Variants in DCC observed in about 807,000 individuals in gnomAD.
DCC encodes netrin receptor DCC.
DCC carries 58 observed loss-of-function variants against 172.5 expected under a neutral mutation model. That is an observed-to-expected ratio of 0.34 (90% confidence interval 0.27 to 0.42). The LOEUF (loss-of-function observed/expected upper bound fraction) is 0.42. Ranked by LOEUF, DCC falls within the 10% of genes least tolerant of loss-of-function variation. The pLI is 1.00. For missense variants in DCC, 1,740 were observed against 1,791.0 expected, an observed-to-expected ratio of 0.97 and a Z score of 0.51; for synonymous variants, 709 against 644.5, an observed-to-expected ratio of 1.10 and a Z score of -1.52.
chr18:53,101,446 T>A (rs2043170944), intron 7 of DCC, among the ~76,000 whole-genome samples: 1 of 152,006 alleles, frequency 6.6e-6, no homozygotes, highest in Non-Finnish European at 1.5e-5. Context: ...TTGGGACCCT[T>A]TAACAGCGGT....
intron 2 of DCC, among the ~76,000 whole-genome samples, chr18:52,851,109 T>C (rs1410200043): frequency 6.6e-6 from 1 of 152,126 alleles, no homozygotes; most frequent in African/African-American, 2.4e-5. Flanking sequence ...TTACGATGTA[T>C]ACTTGTCTTT....
intron 5 of DCC, among the ~76,000 whole-genome samples, chr18:53,048,404 G>C (rs964372420): frequency 2.6e-5 from 4 of 151,420 alleles, no homozygotes; most frequent in African/African-American, 9.7e-5. Context: ...GCGTTAGTTT[G>C]CTAAGGATGA....
At chr18:52,685,954 A>C (rs1018313289) in intron 1 of DCC, among the ~76,000 whole-genome samples, 2 of 152,116 alleles carry the variant, frequency 1.3e-5, no homozygotes, top group African/African-American at 4.8e-5. Context: ...CCTTCTCCTC[A>C]AGGGCTAACT....
Position 53,262,956 on chromosome 18 carries a change from A to G in DCC, c.1912-42622A>G, listed in dbSNP as rs2056623458. 3.3e-5 allele frequency among the ~76,000 whole-genome samples: 5 copies of G among 152,340 alleles called. No individual in the cohort carries two copies. The South Asian group carries it at 8.3e-4, about 25-fold the overall frequency. On this transcript the variant is annotated intron_variant, in intron 12 of 28. Coordinates refer to ENST00000442544, the MANE Select transcript of DCC (RefSeq NM_005215.4). ...TTTTGTAAACAACTTTAAGAATACAATAAGCATATCTGTAGATTTATTGGT... is the reference window on the plus strand; with the variant it reads ...TTTTGTAAACAACTTTAAGAATACAGTAAGCATATCTGTAGATTTATTGGT...
chr18:53,032,485 A>G (rs1228834271), intron 5 of DCC, among the ~76,000 whole-genome samples: 1 of 152,182 alleles, frequency 6.6e-6, no homozygotes, highest in African/African-American at 2.4e-5. Flanking sequence ...ATGAATTTTG[A>G]ATAAAAGTCT....
chr18:53,419,976 C>T (rs1166460301), intron 21 of DCC, among the ~76,000 whole-genome samples: 1 of 152,144 alleles, frequency 6.6e-6, no homozygotes, highest in African/African-American at 2.4e-5. Flanking sequence ...GCCTCAGCCT[C>T]CTGAGTAACT....
chr18:53,360,560 A>C (rs992025962), intron 15 of DCC, among the ~76,000 whole-genome samples: 20 of 152,198 alleles, frequency 1.3e-4, no homozygotes, highest in African/African-American at 4.8e-4. Context: ...GTGGCCATAC[A>C]GTTCATAAAT....
intron 27 of DCC, among the ~76,000 whole-genome samples, chr18:53,514,512 T>C (rs2046307370): frequency 6.6e-6 from 1 of 152,044 alleles, no homozygotes; most frequent in African/African-American, 2.4e-5. Context: ...ATACAGGAGC[T>C]GGTTTTTTGA....
intron 7 of DCC, among the ~76,000 whole-genome samples, chr18:53,135,834 T>G (rs1307250570): frequency 6.6e-6 from 1 of 152,178 alleles, no homozygotes; most frequent in Non-Finnish European, 1.5e-5. Context: ...ACTATTTTTC[T>G]ACTTGACTAA....
intron 1 of DCC, among the ~76,000 whole-genome samples, chr18:52,701,964 G>C (rs1432590798): frequency 6.6e-6 from 1 of 152,114 alleles, no homozygotes; most frequent in Admixed American, 6.6e-5. Context: ...AAACAACCTT[G>C]ATGTTACCAT....
chr18:52,956,841 A>AT (rs1408646221), intron 5 of DCC, among the ~76,000 whole-genome samples: 1 of 152,124 alleles, frequency 6.6e-6, no homozygotes, highest in Non-Finnish European at 1.5e-5. Flanking sequence ...AAGAGGAAAT[A>AT]TTTTTCTCTA....
At chr18:53,480,462 C>T (rs1000128243) in intron 25 of DCC, among the ~76,000 whole-genome samples, 5 of 152,158 alleles carry the variant, frequency 3.3e-5, no homozygotes, top group South Asian at 2.1e-4. Flanking sequence ...TCATACTTCC[C>T]TCAGGTTCAA....
chr18:53,210,538 T>C (rs989620793), intron 11 of DCC, among the ~76,000 whole-genome samples: 1 of 152,202 alleles, frequency 6.6e-6, no homozygotes, highest in African/African-American at 2.4e-5. Context: ...AGTAAATATT[T>C]ATCGAATTAA....
intron 8 of DCC, 31 bp downstream of exon 8, chr18:53,157,543 A>G: frequency 1.2e-6 from 2 of 1,612,004 alleles, no homozygotes; most frequent in Non-Finnish European, 1.7e-6. Flanking sequence ...AATTCAGCTT[A>G]ATCGGTCATC....
intron 2 of DCC, among the ~76,000 whole-genome samples, chr18:52,756,458 T>C (rs1222338997): frequency 6.6e-6 from 1 of 152,204 alleles, no homozygotes; most frequent in African/African-American, 2.4e-5. Flanking sequence ...TCACTGGATT[T>C]CAGCAGATCA....
In DCC at chr18:53,531,213, G is replaced by A. The variant is rs2046522319; in HGVS notation, c.*560G>A. 5.9e-6 allele frequency: 1 copy of A among 168,106 alleles called. No individual in the cohort carries two copies. The highest frequency in any genetic ancestry group is 1.3e-5 in the Non-Finnish European group (1 of 75,634). 10.4% of individuals were successfully genotyped at this position (168,106 alleles called of 1,614,324 possible). The stretch of plus-strand genomic sequence containing the variant: ...CAAACAAAAGGCAGAGAATGCTTAT[G>A]TTTGTAACTCAGTCATTCATCTTGC... On this transcript the variant is annotated 3_prime_UTR_variant, in exon 29 of 29. Coordinates refer to ENST00000442544, the MANE Select transcript of DCC (RefSeq NM_005215.4).
At chr18:52,866,970 G>A (rs1314795381) in intron 2 of DCC, among the ~76,000 whole-genome samples, 2 of 152,290 alleles carry the variant, frequency 1.3e-5, no homozygotes, top group African/African-American at 2.4e-5. Context: ...TTTTCAAAGG[G>A]AATGCTTCCA....
chr18:52,603,328 G>C (rs1431517155), intron 1 of DCC, among the ~76,000 whole-genome samples: 10 of 151,936 alleles, frequency 6.6e-5, no homozygotes. Context: ...TTAGCTTTGG[G>C]CCTCTGCTTT....
chr18:52,481,725 C>A (rs531938703), intron 1 of DCC, among the ~76,000 whole-genome samples: 1 of 152,192 alleles, frequency 6.6e-6, no homozygotes, highest in South Asian at 2.1e-4. Context: ...GGGTCCAGAT[C>A]TGGCTCTGAC....
Sources: allele counts gnomAD v4.1 joint callset (sites outside exome capture counted in the v4.1 genomes callset), GRCh38; gene constraint gnomAD v4.1.1; transcripts MANE v1.5; gene names NCBI Gene and HGNC (gene_info 2026-07-23, HGNC 2026-07-21).